Variants in SLC44A3 observed in about 807,000 individuals in gnomAD.
The protein encoded by SLC44A3 is choline transporter-like protein 3.
SLC44A3 carries 74 observed loss-of-function variants against 75.4 expected under a neutral mutation model. That is an observed-to-expected ratio of 0.98 (90% confidence interval 0.81 to 1.19). SLC44A3 has a LOEUF of 1.19. Ranked by LOEUF, SLC44A3 falls within the 50% of genes most tolerant of loss-of-function variation. SLC44A3 has a pLI of 0.00. For synonymous variants in SLC44A3, 310 were observed against 296.9 expected, an observed-to-expected ratio of 1.04 and a Z score of -0.45; for missense variants, 700 against 778.6, an observed-to-expected ratio of 0.90 and a Z score of 1.20.
intron 5 of SLC44A3, among the ~76,000 whole-genome samples, chr1:94,835,826 A>G (rs1212357881): frequency 1.3e-5 from 2 of 152,238 alleles, no homozygotes; most frequent in Admixed American, 6.5e-5. Context: ...ACCAAAAATC[A>G]TGGGTGCCTG....
chr1:94,869,683 T>A (rs1667549880), intron 12 of SLC44A3, among the ~76,000 whole-genome samples: 1 of 152,186 alleles, frequency 6.6e-6, no homozygotes, highest in Non-Finnish European at 1.5e-5. Context: ...AGAATAAAGA[T>A]GATTGTAAAT....
chr1:94,866,501 T>C (rs1557862612), intron 11 of SLC44A3, among the ~76,000 whole-genome samples: 1 of 152,220 alleles, frequency 6.6e-6, no homozygotes, highest in Non-Finnish European at 1.5e-5. Flanking sequence ...CCCCACACTG[T>C]GTCTACAATT....
chr1:94,836,819 G>T (rs565698532), intron 5 of SLC44A3: 1 of 151,610 alleles, frequency 6.6e-6, no homozygotes, highest in East Asian at 1.9e-4. Context: ...GCTGAGGTGG[G>T]AGAATAGCTT....
chr1:94,821,840 A>G (rs1660635221), intron 2 of SLC44A3, among the ~76,000 whole-genome samples: 1 of 152,228 alleles, frequency 6.6e-6, no homozygotes, highest in South Asian at 2.1e-4. Flanking sequence ...AAAGAATTCC[A>G]TCTGAATAGG....
intron 9 of SLC44A3, among the ~76,000 whole-genome samples, chr1:94,854,723 CCG>C (rs553166747): frequency 0.024 from 3,692 of 151,756 alleles, 187 homozygotes; most frequent in African/African-American, 0.086. Flanking sequence ...CTCAAGCCCC[CCG>C]CGCCCCCCGG....
chr1:94,838,643 C>A (rs1663142666), intron 6 of SLC44A3, among the ~76,000 whole-genome samples: 1 of 152,202 alleles, frequency 6.6e-6, no homozygotes, highest in African/African-American at 2.4e-5. Flanking sequence ...GAGTTTTCCA[C>A]AATTTCATTA....
At chr1:94,844,161 TGTGG>T in intron 8 of SLC44A3, among the ~76,000 whole-genome samples, 1 of 152,180 alleles carries the variant, frequency 6.6e-6, no homozygotes, top group Middle Eastern at 3.4e-3. Context: ...ATAGGGTAAG[TGTGG>T]AATAAAATGG....
intron 12 of SLC44A3, among the ~76,000 whole-genome samples, chr1:94,890,837 A>C (rs536536587): frequency 8.5e-4 from 130 of 152,286 alleles, no homozygotes; most frequent in African/African-American, 2.9e-3. Flanking sequence ...ACAGTGTAAG[A>C]CTGTCTCAAA....
intron 9 of SLC44A3, among the ~76,000 whole-genome samples, chr1:94,847,368 G>A (rs1571261208): frequency 6.6e-6 from 1 of 152,202 alleles, no homozygotes; most frequent in East Asian, 1.9e-4. Context: ...GAGGGTGGCA[G>A]GGAGGAAAGC....
chr1:94,866,839 C>G (rs189616079), intron 11 of SLC44A3, among the ~76,000 whole-genome samples: 1 of 151,936 alleles, frequency 6.6e-6, no homozygotes, highest in Admixed American at 6.6e-5. Flanking sequence ...AAATTTAGTC[C>G]TGAAAAAAAT....
intron 9 of SLC44A3, chr1:94,855,375 G>A (rs1665755863): frequency 6.6e-6 from 1 of 152,212 alleles, no homozygotes. Flanking sequence ...CTTGTAGGAG[G>A]AGCAGGTACT....
intron 9 of SLC44A3, among the ~76,000 whole-genome samples, chr1:94,854,068 A>C (rs949453987): frequency 2.6e-5 from 4 of 152,178 alleles, no homozygotes; most frequent in Non-Finnish European, 4.4e-5. Context: ...TTACCTGTTT[A>C]TTATACTTAA....
chr1:94,842,431 G>A (rs191077763), intron 8 of SLC44A3, among the ~76,000 whole-genome samples: 199 of 152,338 alleles, frequency 1.3e-3, no homozygotes, highest in African/African-American at 3.9e-3. Context: ...GCAGGCTTAC[G>A]GCAGTTCCCA....
chr1:94,865,993 T>C (rs938515690), intron 11 of SLC44A3, among the ~76,000 whole-genome samples: 2 of 152,186 alleles, frequency 1.3e-5, no homozygotes. Context: ...TTGCCCCTGA[T>C]TGTAGAATAT....
At chr1:94,875,208 C>G (rs1668151334) in intron 12 of SLC44A3, among the ~76,000 whole-genome samples, 1 of 152,192 alleles carries the variant, frequency 6.6e-6, no homozygotes, top group South Asian at 2.1e-4. Context: ...AGTTCACCTC[C>G]TTCCCTGAAA....
At chr1:94,888,641 C>T (rs12024576) in intron 12 of SLC44A3, 76,266 of 805,888 alleles carry the variant, frequency 0.095, 1,749 homozygotes, top group African/African-American at 0.22. Flanking sequence ...GTGGAACTTT[C>T]TTTTTTTTTT....
chr1:94,872,008 T>A (rs552441624), intron 12 of SLC44A3, among the ~76,000 whole-genome samples: 1 of 152,374 alleles, frequency 6.6e-6, no homozygotes, highest in South Asian at 2.1e-4. Flanking sequence ...AACACTTCGC[T>A]ACCACCAGTG....
chr1:94,847,962 C>T (rs2101116852), intron 9 of SLC44A3, among the ~76,000 whole-genome samples: 1 of 152,312 alleles, frequency 6.6e-6, no homozygotes, highest in Non-Finnish European at 1.5e-5. Context: ...GGTGCAGTGG[C>T]TCACGCCTGT....
Position 94,892,351 on chromosome 1 carries a change from G to A in SLC44A3, c.1691G>A (p.Trp564Ter), listed in dbSNP as rs770389711. The change falls in exon 14 of 15, where the codon TGG (tryptophan) becomes TAG (stop). Residue 564 changes from tryptophan (W) to a stop codon, truncating the protein, a stop_gained. Coordinates refer to ENST00000271227, the MANE Select transcript of SLC44A3 (RefSeq NM_001114106.3). LOFTEE classifies it high-confidence loss of function. ...AACTACAATCGGGCATTCCAGGTGT[G>A]GGCAGTCCCTCTGTTATTGGTAGCT... ...AFNYNRAFQV[W>*]AVPLLLVAFF... 1.2e-6 allele frequency: 2 copies of A among 1,614,200 alleles called. No individual in the cohort carries two copies. Among genetic ancestry groups the A allele is most frequent in the Non-Finnish European group, 1.7e-6 (2 of 1,180,042 alleles).
Sources: allele counts gnomAD v4.1 joint callset (sites outside exome capture counted in the v4.1 genomes callset), GRCh38; gene constraint gnomAD v4.1.1; transcripts MANE v1.5; gene names NCBI Gene and HGNC (gene_info 2026-07-23, HGNC 2026-07-21).